KCTD1: variants seen among roughly 807,000 people sequenced by gnomAD.
KCTD1 encodes BTB/POZ domain-containing protein KCTD1.
In KCTD1, 24 loss-of-function variants were observed where a neutral mutation model predicts 66.0. The ratio of observed to expected loss-of-function variants is 0.36; its 90% CI spans 0.26 to 0.51. KCTD1 has a LOEUF of 0.51. Among genes scored for constraint, KCTD1 ranks in the 20% least tolerant of loss-of-function variants. The probability of loss-of-function intolerance (pLI) is 0.95; values close to 1 mark genes in which losing one functional copy is unlikely to be tolerated. For missense variants in KCTD1, 943 were observed against 1,205.2 expected, an observed-to-expected ratio of 0.78 and a Z score of 3.22; for synonymous variants, 511 against 517.2, an observed-to-expected ratio of 0.99 and a Z score of 0.16.
At chr18:26,549,696 A>G (rs1985470026), upstream of KCTD1, 4 of 984,458 alleles carry the variant, frequency 4.1e-6, no homozygotes, top group Middle Eastern at 5.2e-4. Context: ...CGCAGCCACA[A>G]TTCGGCAATT....
intron 1 of KCTD1, among the ~76,000 whole-genome samples, chr18:26,509,325 T>A (rs989076628): frequency 6.6e-6 from 1 of 152,168 alleles, no homozygotes; most frequent in Non-Finnish European, 1.5e-5. Flanking sequence ...TTCTAGTCAC[T>A]TTATTCACAG....
Position 26,548,485 on chromosome 18 carries a change from C to CA in KCTD1, c.51_52insT (p.Ala18CysfsTer224). 1 of 1,237,986 alleles carries CA rather than the reference C, an allele frequency of 8.1e-7. No homozygotes were observed. The highest frequency in any genetic ancestry group is 1.0e-6 in the Non-Finnish European group (1 of 996,898). 76.7% of individuals were successfully genotyped at this position (1,237,986 alleles called of 1,614,324 possible). A position where few individuals can be genotyped will look rare whatever the true frequency, so the allele number is the denominator to read the frequency against. ...TCGGCGGCGGCGGCGGCAGCGCTGG[C>CA]GCTGCCGCCCGCGCTGGTGTTACAG... On this transcript the variant is annotated frameshift_variant, in exon 1 of 5. Transcript: ENST00000580059. LOFTEE classifies it high-confidence loss of function.
At chr18:26,587,799 G>A (rs1986503752) in intron 1 of KCTD1, among the ~76,000 whole-genome samples, 1 of 152,164 alleles carries the variant, frequency 6.6e-6, no homozygotes, top group African/African-American at 2.4e-5. Flanking sequence ...AATTAGAAGT[G>A]GAGCCTGAAG....
intron 1 of KCTD1, among the ~76,000 whole-genome samples, chr18:26,611,896 T>C (rs1308479847): frequency 6.6e-6 from 1 of 152,204 alleles, no homozygotes; most frequent in East Asian, 1.9e-4. Flanking sequence ...TTCGATCTTT[T>C]GGGGTTTTGC....
At chr18:26,462,116 C>CTTGT (rs1980466798) in intron 3 of KCTD1, among the ~76,000 whole-genome samples, 2 of 152,218 alleles carry the variant, frequency 1.3e-5, no homozygotes, top group South Asian at 4.1e-4. Flanking sequence ...TCACAAGCCA[C>CTTGT]TTGTTTAATA....
upstream of KCTD1, among the ~76,000 whole-genome samples, chr18:26,630,166 C>T (rs1258088676): frequency 6.6e-6 from 1 of 152,194 alleles, no homozygotes; most frequent in East Asian, 1.9e-4. Flanking sequence ...CTGCTGGTGC[C>T]TTCCTGCTAA....
intron 1 of KCTD1, among the ~76,000 whole-genome samples, chr18:26,656,991 C>T (rs1352021611): frequency 4.7e-5 from 7 of 149,232 alleles, no homozygotes; most frequent in Non-Finnish European, 9.0e-5. Context: ...GGCACGGGCT[C>T]CCAGAGCCAC....
chr18:26,595,114 G>A (rs1353637286), intron 1 of KCTD1, among the ~76,000 whole-genome samples: 1 of 151,644 alleles, frequency 6.6e-6, no homozygotes, highest in Admixed American at 6.6e-5. Context: ...CCTTTTCCTC[G>A]ATGTATAACT....
chr18:26,548,150 G>A lies in KCTD1; in HGVS notation c.387C>T (p.Ala129=), dbSNP rs1985346831. 2 of 1,353,734 alleles carry A rather than the reference G, an allele frequency of 1.5e-6. No homozygotes were observed. The highest frequency in any genetic ancestry group is 3.4e-5 in the Admixed American group (1 of 29,680). The allele number at this position is 1,353,734 out of a possible 1,614,324, so 83.9% of individuals were successfully genotyped here. A position where few individuals can be genotyped will look rare whatever the true frequency, so the allele number is the denominator to read the frequency against. ...PVHMINMDQS[A]ALEPEAPPRL... ...GCGGCGGCGCCTCGGGCTCCAGCGC[G>A]GCGCTCTGGTCCATATTGATCATAT... Residue 129 remains alanine (A), a synonymous_variant, in exon 1 of 5, where the codon GCC becomes GCT. Coordinates refer to ENST00000580059, the MANE Select transcript of KCTD1 (RefSeq NM_001142730.3).
chr18:26,626,473 T>A (rs1987504314), intron 1 of KCTD1, among the ~76,000 whole-genome samples: 1 of 2,088 alleles, frequency 4.8e-4, no homozygotes. Flanking sequence ...GGAGGTGATT[T>A]TTTTTTTTTT....
intron 2 of KCTD1, among the ~76,000 whole-genome samples, chr18:26,497,437 G>A (rs1223798071): frequency 6.6e-6 from 1 of 152,174 alleles, no homozygotes; most frequent in Admixed American, 6.5e-5. Context: ...CATGGCCATG[G>A]GCAACCTAAT....
chr18:26,495,600 G>A (rs1310774129), intron 2 of KCTD1, among the ~76,000 whole-genome samples: 4 of 152,000 alleles, frequency 2.6e-5, no homozygotes, highest in African/African-American at 9.7e-5. Flanking sequence ...TAACTCTACT[G>A]CTATTTAGAA....
At chr18:26,573,085 T>C (rs553245983) in intron 1 of KCTD1, among the ~76,000 whole-genome samples, 13 of 149,058 alleles carry the variant, frequency 8.7e-5, no homozygotes, top group South Asian at 2.3e-4. Flanking sequence ...GCAATGGCAA[T>C]AACCCCTTTT....
intron 3 of KCTD1, among the ~76,000 whole-genome samples, chr18:26,471,742 T>C (rs990689234): frequency 6.6e-6 from 1 of 152,222 alleles, no homozygotes; most frequent in South Asian, 2.1e-4. Context: ...ATCTCTATTA[T>C]GTCTTACAAC....
At chr18:26,477,865 T>C (rs1289772843) in intron 2 of KCTD1, among the ~76,000 whole-genome samples, 1 of 152,226 alleles carries the variant, frequency 6.6e-6, no homozygotes, top group Non-Finnish European at 1.5e-5. Context: ...CAAGTAATTA[T>C]GGTAGGGTTA....
chr18:26,548,620 T>A, upstream of KCTD1: 1 of 1,166,682 alleles, frequency 8.6e-7, no homozygotes, highest in Non-Finnish European at 1.1e-6. Context: ...TTTAATGACC[T>A]TCAGCTACCG....
rs1484220579 is a variant in KCTD1 at position 26,455,672 on chromosome 18, C to T, written c.*71G>A. The T allele has an allele frequency of 5.0e-6, 8 of 1,603,154 alleles. No individual in the cohort carries two copies. The highest frequency in any genetic ancestry group is 4.5e-5 in the East Asian group (2 of 44,848). The stretch of plus-strand genomic sequence containing the variant: ...GACTTGGTTTGCTGTCCCAACTGCA[C>T]ATAAATGTCCCTTTTTTGTTTGAGT... On this transcript the variant is annotated 3_prime_UTR_variant, in exon 5 of 5. Coordinates refer to ENST00000580059, the MANE Select transcript of KCTD1 (RefSeq NM_001142730.3).
chr18:26,515,043 G>A (rs1174214616), intron 1 of KCTD1, among the ~76,000 whole-genome samples: 1 of 152,146 alleles, frequency 6.6e-6, no homozygotes, highest in Non-Finnish European at 1.5e-5. Context: ...TTTTCACACT[G>A]TAAAGGAGAC....
chr18:26,626,209 C>T (rs1261343614), intron 1 of KCTD1, among the ~76,000 whole-genome samples: 1 of 151,646 alleles, frequency 6.6e-6, no homozygotes, highest in Non-Finnish European at 1.5e-5. Flanking sequence ...TCGATTAGGA[C>T]TTTCTGTTGC....
Sources: allele counts gnomAD v4.1 joint callset (sites outside exome capture counted in the v4.1 genomes callset), GRCh38; gene constraint gnomAD v4.1.1; transcripts MANE v1.5; gene names NCBI Gene and HGNC (gene_info 2026-07-23, HGNC 2026-07-21).